The following ENTPD6 variants were observed in gnomAD, a reference collection of about 807,000 sequenced individuals.
The protein encoded by ENTPD6 is CD39 antigen-like 2.
In ENTPD6, 46 loss-of-function variants were observed where a neutral mutation model predicts 61.5. The ratio of observed to expected loss-of-function variants is 0.75; its 90% CI spans 0.59 to 0.96. The LOEUF is 0.96. ENTPD6 is among the 40% of genes least tolerant of loss of function. The pLI is 0.00. For missense variants in ENTPD6, 612 were observed against 629.0 expected (o/e 0.97, Z 0.29); for synonymous variants, 252 against 255.5 (o/e 0.99, Z 0.13).
chr20:25,199,922 T>C (rs1168540749), intron 1 of ENTPD6, among the ~76,000 whole-genome samples: 1 of 152,266 alleles, frequency 6.6e-6, no homozygotes, highest in Non-Finnish European at 1.5e-5. Flanking sequence ...CTCCTGTCTG[T>C]TGTGAATAAT....
At chr20:25,223,019 G>GGC in intron 12 of ENTPD6, 41 bp downstream of exon 12, 4 of 1,463,052 alleles carry the variant, frequency 2.7e-6, no homozygotes, top group East Asian at 2.4e-5. Context: ...GGTCGGGGCG[G>GGC]CAGGGGGCGG....
At chr20:25,201,231 G>A (rs781116106) in intron 1 of ENTPD6, among the ~76,000 whole-genome samples, 176 of 152,290 alleles carry the variant, frequency 1.2e-3, no homozygotes, top group Non-Finnish European at 2.0e-3. Flanking sequence ...GTAGCCCACC[G>A]TCTGGCGTTG....
intron 12 of ENTPD6, among the ~76,000 whole-genome samples, chr20:25,223,464 C>T (rs139705598): frequency 1.6e-4 from 25 of 152,200 alleles, no homozygotes; most frequent in Non-Finnish European, 8.8e-5. Flanking sequence ...TGTGTGGGAA[C>T]TCTGGAGGGG....
chr20:25,205,756 C>T (rs554958569), intron 1 of ENTPD6, among the ~76,000 whole-genome samples: 98 of 152,300 alleles, frequency 6.4e-4, no homozygotes, highest in East Asian at 5.8e-4. Flanking sequence ...CCTCTCCCCT[C>T]GGCACGGGGC....
chr20:25,226,920 C>G lies in ENTPD6; in HGVS notation c.*1323C>G, dbSNP rs2092806501. 6.6e-6 allele frequency among the ~76,000 whole-genome samples: 1 copy of G among 152,266 alleles called. No homozygotes were observed. ...GGGTCTGGCTGGTGGCCCCGGCCCT[C>G]CCAGCGTCTGTTGAGCACAGCTCCT... is the stretch of plus-strand genomic sequence containing the variant. On this transcript the variant is annotated 3_prime_UTR_variant, in exon 15 of 15. Transcript: ENST00000376652.
chr20:25,208,908 A>T (rs1181250294), intron 3 of ENTPD6, among the ~76,000 whole-genome samples: 3 of 151,916 alleles, frequency 2.0e-5, no homozygotes, highest in Non-Finnish European at 4.4e-5. Context: ...TTGGATTTTT[A>T]TTTTTTATTT....
At position 25,207,126 on chromosome 20, in the gene ENTPD6, C is replaced by T. The variant is rs370971077; in HGVS notation, c.105C>T (p.His35=). 6.6e-5 allele frequency: 107 copies of T among 1,613,606 alleles called. No individual in the cohort carries two copies. The highest frequency in any genetic ancestry group is 8.5e-5 in the Non-Finnish European group (100 of 1,179,744). Residue 35 remains histidine, a synonymous_variant, in exon 3 of 15, where the codon CAC becomes CAT. Transcript: ENST00000376652. ...CAAGGATGAGAAAAATATCCAACCA[C>T]GGGAGCCTGCGGGTGGCGAAGGTGG... is the stretch of plus-strand genomic sequence containing the variant. ...WQTRMRKISN[H]GSLRVAKVAY...
In ENTPD6 at chr20:25,195,712, G is replaced by A. The variant is rs2090308005; in HGVS notation, c.-171G>A. ...CAGCCTGTGACGCCACGTGCATGGG[G>A]CGGAGCCCAGGCCCTAGGGAATCGT... On this transcript the variant is annotated 5_prime_UTR_variant, in exon 1 of 15. Transcript: ENST00000376652. 3.5e-6 allele frequency: 2 copies of A among 563,426 alleles called. No individual in the cohort carries two copies. The highest frequency in any genetic ancestry group is 4.4e-5 in the Admixed American group (1 of 22,718). 34.9% of individuals were successfully genotyped at this position (563,426 alleles called of 1,614,324 possible). A position where few individuals can be genotyped will look rare whatever the true frequency, so the allele number is the denominator to read the frequency against.
Position 25,195,878 on chromosome 20 carries a change from G to T in ENTPD6, c.-16+11G>T, listed in dbSNP as rs1488215750. ...AGCGCGCGGTGCATGGTAAGCGGCG[G>T]GCCGGGGCGCTGGCGGGGGCGGCCG... On this transcript the variant is annotated intron_variant, in intron 1 of 14. Coordinates refer to ENST00000376652, the MANE Select transcript of ENTPD6 (RefSeq NM_001247.5). The T allele has an allele frequency of 8.1e-7, 1 of 1,235,070 alleles. No homozygotes were observed. The allele number at this position is 1,235,070 out of a possible 1,614,324, so 76.5% of individuals were successfully genotyped here.
chr20:25,221,332 A>C lies in ENTPD6; in HGVS notation c.1044A>C (p.Ala348=). The part of the protein sequence containing the change: ...EVTYRVSGQK[A]AASLHELCAA... ...CGTACAGGGTTTCAGGGCAGAAAGC[A>C]GGTACGGGGAGGGTTGCTGCCTGTT... Residue 348 remains alanine (A), a splice_region_variant and synonymous_variant, in exon 11 of 15, where the codon GCA becomes GCC. Coordinates refer to ENST00000376652, the MANE Select transcript of ENTPD6 (RefSeq NM_001247.5). 6.2e-7 allele frequency: 1 copy of C among 1,613,120 alleles called. No individual in the cohort carries two copies. Among genetic ancestry groups the C allele is most frequent in the South Asian group, 1.1e-5 (1 of 91,042 alleles).
At chr20:25,201,106 T>C (rs1171320274) in intron 1 of ENTPD6, among the ~76,000 whole-genome samples, 1 of 152,244 alleles carries the variant, frequency 6.6e-6, no homozygotes, top group Non-Finnish European at 1.5e-5. Context: ...AATTTCCACA[T>C]AATTGTGAAT....
intron 1 of ENTPD6, among the ~76,000 whole-genome samples, chr20:25,198,469 G>A (rs1340904457): frequency 3.3e-5 from 5 of 151,376 alleles, no homozygotes; most frequent in African/African-American, 1.2e-4. Context: ...GTGAGAGAGT[G>A]AGACTCTGTC....
At chr20:25,202,767 A>G (rs895937919) in intron 1 of ENTPD6, among the ~76,000 whole-genome samples, 4 of 152,214 alleles carry the variant, frequency 2.6e-5, no homozygotes, top group Admixed American at 6.5e-5. Flanking sequence ...TTTTATGCAT[A>G]TATCTTTTAA....
intron 3 of ENTPD6, among the ~76,000 whole-genome samples, chr20:25,208,166 G>C (rs571384237): frequency 6.6e-6 from 1 of 152,320 alleles, no homozygotes; most frequent in East Asian, 1.9e-4. Flanking sequence ...GGCATTGCAC[G>C]GTTCTGCTGG....
rs1354789265 is a variant in ENTPD6 at position 25,225,977 on chromosome 20, G to A, written c.*380G>A. On this transcript the variant is annotated 3_prime_UTR_variant, in exon 15 of 15. Transcript: ENST00000376652. ...CCTGCGATGGGAGTCTTGTCTCCCA[G>A]CCTGTCAGTTTCCTCCCCAGGGCAG... The A allele has an allele frequency of 1.2e-5, 2 of 167,572 alleles. No homozygotes were observed. Among genetic ancestry groups the A allele is most frequent in the Non-Finnish European group, 2.6e-5 (2 of 78,392 alleles). 10.4% of individuals were successfully genotyped at this position (167,572 alleles called of 1,614,324 possible).
At chr20:25,225,084 C>A in intron 13 of ENTPD6, 121 bp from the exon 14 acceptor site, 1 of 1,453,996 alleles carries the variant, frequency 6.9e-7, no homozygotes, top group South Asian at 1.4e-5. Flanking sequence ...GCGGCCTTGT[C>A]TGTGAATCCG....
intron 4 of ENTPD6, among the ~76,000 whole-genome samples, chr20:25,211,905 C>T (rs191491252): frequency 6.6e-6 from 1 of 152,232 alleles, no homozygotes; most frequent in African/African-American, 2.4e-5. Flanking sequence ...GCCTCCCAGG[C>T]TCAAATGATC....
intron 3 of ENTPD6, among the ~76,000 whole-genome samples, chr20:25,207,649 A>AT: frequency 6.6e-6 from 1 of 152,276 alleles, no homozygotes; most frequent in South Asian, 2.1e-4. Flanking sequence ...CCCTCCCCAC[A>AT]TTCACCAGCA....
intron 12 of ENTPD6, 122 bp downstream of exon 12, chr20:25,223,100 C>A (rs2092693843): frequency 8.8e-7 from 1 of 1,138,222 alleles, no homozygotes; most frequent in Non-Finnish European, 1.2e-6. Flanking sequence ...CACATCCCTG[C>A]AGGAGGCCAG....
Sources: allele counts gnomAD v4.1 joint callset (sites outside exome capture counted in the v4.1 genomes callset), GRCh38; gene constraint gnomAD v4.1.1; transcripts MANE v1.5; gene names NCBI Gene and HGNC (gene_info 2026-07-23, HGNC 2026-07-21).